Variants in LYPD6B observed in about 807,000 individuals in gnomAD.
LYPD6B encodes LY6/PLAUR domain containing 6B.
LYPD6B carries 17 observed loss-of-function variants against 22.8 expected under a neutral mutation model. The ratio of observed to expected loss-of-function variants is 0.75; its 90% CI spans 0.51 to 1.12. The LOEUF is 1.12. LYPD6B is among the 50% of genes most tolerant of loss of function. The pLI, the probability that LYPD6B is intolerant of heterozygous loss-of-function variation, is 0.00. For missense variants in LYPD6B, 221 were observed against 258.3 expected, an observed-to-expected ratio of 0.86 and a Z score of 0.99; for synonymous variants, 106 against 91.6, an observed-to-expected ratio of 1.16 and a Z score of -0.90.
intron 3 of LYPD6B, chr2:149,187,290 C>T: frequency 1.1e-6 from 1 of 932,806 alleles, no homozygotes. Flanking sequence ...TGTATAAGCC[C>T]AGAATTTGAA....
intron 1 of LYPD6B, among the ~76,000 whole-genome samples, chr2:149,054,256 GA>G (rs1683690263): frequency 6.6e-6 from 1 of 152,150 alleles, no homozygotes; most frequent in Admixed American, 6.5e-5. Context: ...TCTTGCTGAT[GA>G]TTTTTTTGTC....
intron 1 of LYPD6B, among the ~76,000 whole-genome samples, chr2:149,061,884 A>C (rs1414837357): frequency 6.6e-6 from 1 of 152,214 alleles, no homozygotes; most frequent in Non-Finnish European, 1.5e-5. Flanking sequence ...AAAAAGTTAA[A>C]CATTATCTCT....
chr2:149,203,726 A>G (rs779705276), intron 3 of LYPD6B, among the ~76,000 whole-genome samples: 13 of 152,236 alleles, frequency 8.5e-5, no homozygotes, highest in Non-Finnish European at 1.6e-4. Context: ...TTGCTGTTTT[A>G]TAACTCTGCT....
intron 1 of LYPD6B, among the ~76,000 whole-genome samples, chr2:149,055,466 A>G (rs748599205): frequency 1.3e-5 from 2 of 152,314 alleles, no homozygotes; most frequent in African/African-American, 2.4e-5. Context: ...TTGTAAATCA[A>G]TGTGAAGAGT....
At chr2:149,137,904 A>G (rs1329371162) in intron 2 of LYPD6B, among the ~76,000 whole-genome samples, 1 of 152,190 alleles carries the variant, frequency 6.6e-6, no homozygotes, top group Non-Finnish European at 1.5e-5. Context: ...TATCAATGCC[A>G]TTACCTGTAG....
intron 1 of LYPD6B, among the ~76,000 whole-genome samples, chr2:149,115,355 A>T (rs562615955): frequency 6.6e-6 from 1 of 152,214 alleles, no homozygotes. Flanking sequence ...CCTTATTGGA[A>T]TGTTTTCATG....
At chr2:149,088,345 A>C (rs1402085014) in intron 1 of LYPD6B, among the ~76,000 whole-genome samples, 1 of 152,140 alleles carries the variant, frequency 6.6e-6, no homozygotes, top group East Asian at 1.9e-4. Flanking sequence ...ACAATCCAGA[A>C]TATAGTTAGG....
intron 1 of LYPD6B, among the ~76,000 whole-genome samples, chr2:149,110,023 T>C (rs1381543202): frequency 1.3e-5 from 2 of 152,168 alleles, no homozygotes; most frequent in Non-Finnish European, 2.9e-5. Flanking sequence ...GTTCTTTTCT[T>C]TTAAAAAGAT....
chr2:149,167,061 T>C (rs191522828), intron 3 of LYPD6B, among the ~76,000 whole-genome samples: 28 of 152,228 alleles, frequency 1.8e-4, no homozygotes, highest in Admixed American at 1.6e-3. Flanking sequence ...AGTGTTTTTT[T>C]TTTTTCTCTT....
intron 1 of LYPD6B, among the ~76,000 whole-genome samples, chr2:149,076,487 T>A (rs1246303537): frequency 6.6e-6 from 1 of 152,176 alleles, no homozygotes; most frequent in African/African-American, 2.4e-5. Flanking sequence ...AAAAGATTTG[T>A]CATAAGATGT....
At position 149,200,973 on chromosome 2, in the gene LYPD6B, T is replaced by C. The variant is rs977296592; in HGVS notation, c.78-4280T>C. On this transcript the variant is annotated intron_variant, in intron 3 of 6. Transcript: ENST00000409642. ...GTGAGGGATTTCTGACCAGGCCTACTATGTAGGAAAGATGGATGAAGGTAA... is the reference window on the plus strand; with the variant it reads ...GTGAGGGATTTCTGACCAGGCCTACCATGTAGGAAAGATGGATGAAGGTAA... Among the ~76,000 whole-genome samples, 3 of 152,302 alleles carry C rather than the reference T, an allele frequency of 2.0e-5. 1 individual carries two copies. Among genetic ancestry groups the C allele is most frequent in the Admixed American group, 2.0e-4 (3 of 15,296 alleles).
chr2:149,129,527 TAA>T, intron 1 of LYPD6B, among the ~76,000 whole-genome samples: 1 of 152,224 alleles, frequency 6.6e-6, no homozygotes, highest in Non-Finnish European at 1.5e-5. Flanking sequence ...AAATGACTAA[TAA>T]GCTTTGTGGA....
intron 1 of LYPD6B, among the ~76,000 whole-genome samples, chr2:149,093,872 T>C (rs919344754): frequency 8.5e-5 from 13 of 152,232 alleles, no homozygotes; most frequent in African/African-American, 3.1e-4. Context: ...TCTACCAGTT[T>C]GGTGATGCAT....
chr2:149,138,320 T>C (rs1688488431), intron 2 of LYPD6B, among the ~76,000 whole-genome samples: 1 of 152,164 alleles, frequency 6.6e-6, no homozygotes, highest in Non-Finnish European at 1.5e-5. Context: ...CTGTACTCCA[T>C]GTGATTTCTT....
chr2:149,151,382 G>T (rs1689364516), intron 2 of LYPD6B, among the ~76,000 whole-genome samples: 1 of 152,132 alleles, frequency 6.6e-6, no homozygotes, highest in South Asian at 2.1e-4. Context: ...CCAGTTCTCA[G>T]TCTCATACTT....
chr2:149,134,974 G>A (rs1688266757), intron 2 of LYPD6B, among the ~76,000 whole-genome samples: 1 of 152,210 alleles, frequency 6.6e-6, no homozygotes, highest in Admixed American at 6.5e-5. Flanking sequence ...GCCGGGCACA[G>A]TGGCTTATGC....
chr2:149,080,778 G>T (rs1249046633), intron 1 of LYPD6B, among the ~76,000 whole-genome samples: 1 of 145,912 alleles, frequency 6.9e-6, no homozygotes, highest in Non-Finnish European at 1.5e-5. Context: ...GGAGGTGGAG[G>T]TTGCAGTGAG....
intron 2 of LYPD6B, among the ~76,000 whole-genome samples, chr2:149,138,969 G>A (rs557084124): frequency 2.0e-5 from 3 of 152,320 alleles, no homozygotes; most frequent in South Asian, 4.1e-4. Context: ...TGAAAACTAC[G>A]TGAACTGGTA....
intron 2 of LYPD6B, chr2:149,154,057 G>A (rs763327397): frequency 2.1e-6 from 2 of 971,052 alleles, no homozygotes; most frequent in Non-Finnish European, 2.4e-6. Context: ...AGAAGATGGA[G>A]TTTTGTGGTA....
Sources: gnomAD v4.1 joint callset for allele counts (sites outside exome capture counted in the v4.1 genomes callset) on GRCh38, gnomAD v4.1.1 for gene constraint, MANE v1.5 for transcripts, NCBI Gene and HGNC (gene_info 2026-07-23, HGNC 2026-07-21) for gene names.